MAP4K4: variants seen among roughly 807,000 people sequenced by gnomAD.
MAP4K4 encodes HPK/GCK-like kinase HGK.
In MAP4K4, 38 loss-of-function variants were observed where a neutral mutation model predicts 189.6. That is an observed-to-expected ratio of 0.20 (90% CI 0.15 to 0.26). The LOEUF is 0.26. Ranked by LOEUF, MAP4K4 falls within the 10% of genes least tolerant of loss-of-function variation. The pLI is 1.00. For synonymous variants in MAP4K4, 610 were observed against 624.3 expected (o/e 0.98, Z 0.34); for missense variants, 1,054 against 1,726.9 (o/e 0.61, Z 6.91).
At chr2:101,699,844 A>G (rs1656729767) in intron 2 of MAP4K4, among the ~76,000 whole-genome samples, 1 of 152,188 alleles carries the variant, frequency 6.6e-6, no homozygotes, top group Non-Finnish European at 1.5e-5. Context: ...CCGGGGCCAG[A>G]TTTTTGAATT....
chr2:101,732,677 C>T (rs2058981815), intron 2 of MAP4K4, among the ~76,000 whole-genome samples: 1 of 152,198 alleles, frequency 6.6e-6, no homozygotes, highest in South Asian at 2.1e-4. Flanking sequence ...GCAATCTCCG[C>T]CTCCTGAATT....
rs376395960 is a variant in MAP4K4 at position 101,852,101 on chromosome 2, A to G, written c.1234-3876A>G. ...AGGTACCTTAGAGTGAGTACTTTAG[A>G]GGACCTTATACAATATCTGGAGGCA... On this transcript the variant is annotated intron_variant, in intron 12 of 32. Coordinates refer to ENST00000324219, the Ensembl canonical transcript of MAP4K4. Among the ~76,000 whole-genome samples the G allele has an allele frequency of 5.9e-5, 9 of 151,616 alleles. No individual in the cohort carries two copies. The South Asian group carries it at 1.9e-3, about 32-fold the overall frequency.
chr2:101,875,408 C>T (rs2098171432), intron 26 of MAP4K4, among the ~76,000 whole-genome samples: 1 of 151,704 alleles, frequency 6.6e-6, no homozygotes, highest in Non-Finnish European at 1.5e-5. Flanking sequence ...ACTATGCCCA[C>T]AAGCATTGCT....
chr2:101,870,474 T>C, intron 23 of MAP4K4, 59 bp downstream of exon 23: 1 of 1,599,830 alleles, frequency 6.3e-7, no homozygotes, highest in East Asian at 2.2e-5. Flanking sequence ...TTAACCCACT[T>C]GCTCATTCAC....
exon 26 of MAP4K4, chr2:101,874,193 C>T (rs768429723): frequency 6.2e-6 from 10 of 1,613,524 alleles, no homozygotes; most frequent in East Asian, 2.2e-5. Flanking sequence ...AGTGACACCC[C>T]GGAGATTCGT....
At position 101,808,739 on chromosome 2, in the gene MAP4K4, A is replaced by G. The variant is rs565650608; in HGVS notation, c.181-15189A>G. Among the ~76,000 whole-genome samples, 4 of 152,248 alleles carry G rather than the reference A, an allele frequency of 2.6e-5. No homozygotes were observed. The South Asian group carries it at 8.3e-4, about 32-fold the overall frequency. On this transcript the variant is annotated intron_variant, in intron 3 of 32. Coordinates refer to ENST00000324219, the Ensembl canonical transcript of MAP4K4. ...AAAAGATGAAAAAAATTACACTCAT[A>G]ATTCCATCACCTTGGCTTAACTCCT...
chr2:101,780,091 A>G (rs1169981763), intron 2 of MAP4K4, among the ~76,000 whole-genome samples: 1 of 152,232 alleles, frequency 6.6e-6, no homozygotes, highest in Non-Finnish European at 1.5e-5. Flanking sequence ...TTATATGAAT[A>G]GTGTACATAT....
chr2:101,754,494 G>A (rs2071194057), intron 2 of MAP4K4, among the ~76,000 whole-genome samples: 1 of 152,004 alleles, frequency 6.6e-6, no homozygotes, highest in African/African-American at 2.4e-5. Flanking sequence ...TGGGACTACA[G>A]GTGTGTACCA....
chr2:101,709,276 CA>C (rs1490648313), intron 2 of MAP4K4, among the ~76,000 whole-genome samples: 2 of 152,210 alleles, frequency 1.3e-5, no homozygotes, highest in African/African-American at 4.8e-5. Context: ...AATCTTGGCT[CA>C]CTGCAGCCTC....
At chr2:101,805,309 C>T (rs1205391664) in intron 3 of MAP4K4, among the ~76,000 whole-genome samples, 2 of 152,122 alleles carry the variant, frequency 1.3e-5, no homozygotes, top group Non-Finnish European at 2.9e-5. Flanking sequence ...GTCCTGACTT[C>T]TCTCACCACA....
intron 10 of MAP4K4, among the ~76,000 whole-genome samples, chr2:101,841,466 C>T (rs1050411030): frequency 1.3e-5 from 2 of 151,598 alleles, no homozygotes; most frequent in East Asian, 1.9e-4. Flanking sequence ...AACTGATTTT[C>T]ATCTTTTTTT....
chr2:101,861,181 C>G (rs1024504440), intron 16 of MAP4K4, 195 bp downstream of exon 16: 7 of 568,098 alleles, frequency 1.2e-5, no homozygotes, highest in Non-Finnish European at 1.8e-5. Context: ...TTTGAGATTT[C>G]TATGTACTCA....
chr2:101,746,869 C>A (rs1009649773), intron 2 of MAP4K4, among the ~76,000 whole-genome samples: 1 of 152,022 alleles, frequency 6.6e-6, no homozygotes, highest in Middle Eastern at 3.2e-3. Context: ...ATTTCTAGCC[C>A]AGTGTATATT....
exon 13 of MAP4K4, chr2:101,856,116 AGAG>A (rs1237969014): frequency 8.4e-6 from 13 of 1,551,492 alleles, no homozygotes; most frequent in South Asian, 2.4e-5. Context: ...GAAGAAGAAA[AGAG>A]GAGAGTTGAA....
rs747443111 is a variant in MAP4K4, at chr2:101,863,961, G to C, written c.2007G>C (p.Val669=). The C allele has an allele frequency of 2.9e-6, 4 of 1,367,680 alleles. No homozygotes were observed. The South Asian group carries it at 4.5e-5, about 16-fold the overall frequency. The allele number at this position is 1,367,680 out of a possible 1,614,324, so 84.7% of individuals were successfully genotyped here. Residue 669 remains valine (V), a synonymous_variant, in exon 17 of 33, where the codon GTG becomes GTC. Transcript: ENST00000324219. ...CATGTCCACCTTCCCGCAGTGAGGT[G>C]CTCAGTCAGAGCTCTGACTCTAAGT...
intron 16 of MAP4K4, among the ~76,000 whole-genome samples, chr2:101,862,608 T>A (rs1299925629): frequency 6.6e-6 from 1 of 152,226 alleles, no homozygotes; most frequent in Non-Finnish European, 1.5e-5. Context: ...ATTTTTGCAT[T>A]TGTTATGAAT....
At chr2:101,761,615 A>G (rs543581171) in intron 2 of MAP4K4, among the ~76,000 whole-genome samples, 1 of 150,784 alleles carries the variant, frequency 6.6e-6, no homozygotes, top group Non-Finnish European at 1.5e-5. Context: ...CTGGAGTGCA[A>G]TGGCATGATC....
Position 101,732,830 on chromosome 2 carries a change from G to A in MAP4K4, c.123+34292G>A, listed in dbSNP as rs574882577. ...TCTCGATCTCTTGACCTCGTGATCCGCCTGCCTCGGCCTCCCGAAGTGTTG... is the reference window on the plus strand; with the variant it reads ...TCTCGATCTCTTGACCTCGTGATCCACCTGCCTCGGCCTCCCGAAGTGTTG... On this transcript the variant is annotated intron_variant, in intron 2 of 32. Transcript: ENST00000324219. Among the ~76,000 whole-genome samples the A allele has an allele frequency of 3.3e-5, 5 of 152,314 alleles. No homozygotes were observed. In the East Asian group the frequency reaches 5.8e-4, roughly 18 times the overall value.
chr2:101,729,101 A>AGAGAGAGAGT (rs149283961), intron 2 of MAP4K4, among the ~76,000 whole-genome samples: 8 of 130,606 alleles, frequency 6.1e-5, no homozygotes, highest in African/African-American at 2.5e-4. Flanking sequence ...AGAGAGAGAG[A>AGAGAGAGAGT]GTGTGTGTGT....
Sources: gnomAD v4.1 joint callset for allele counts (sites outside exome capture counted in the v4.1 genomes callset) on GRCh38, gnomAD v4.1.1 for gene constraint, MANE v1.5 for transcripts, NCBI Gene and HGNC (gene_info 2026-07-23, HGNC 2026-07-21) for gene names.